The following PPP1R3F variants were observed in gnomAD, a reference collection of about 807,000 sequenced individuals.
PPP1R3F encodes the protein protein phosphatase 1 regulatory subunit 3F.
In PPP1R3F, 29 loss-of-function variants were observed where a neutral mutation model predicts 24.2. That is an observed-to-expected ratio of 1.20 (90% CI 0.89 to 1.63). The LOEUF is 1.63. PPP1R3F is among the 40% of genes most tolerant of loss of function. The pLI is 0.00. For synonymous variants in PPP1R3F, 363 were observed against 340.1 expected (o/e 1.07, Z -0.74); for missense variants, 823 against 729.3 (o/e 1.13, Z -1.48).
At chrX:49,283,833 G>A (rs1461443923) in intron 3 of PPP1R3F, among the ~76,000 whole-genome samples, 8 of 109,414 alleles carry the variant, frequency 7.3e-5, no homozygotes, top group African/African-American at 6.6e-5. Context: ...TGTATTAAAC[G>A]AATGTATTTA....
chrX:49,282,092 G>A, intron 3 of PPP1R3F, 29 bp downstream of exon 3: 1 of 1,097,749 alleles, frequency 9.1e-7, no homozygotes. Flanking sequence ...CCTTGGAGTA[G>A]ACAGCCCAAT....
Position 49,269,866 on chromosome X carries a change from C to T in PPP1R3F, c.-4C>T. 2 of 891,641 alleles carry T rather than the reference C, an allele frequency of 2.2e-6. No individual in the cohort carries two copies. Among genetic ancestry groups the T allele is most frequent in the Non-Finnish European group, 2.8e-6 (2 of 725,778 alleles). The allele number at this position is 891,641 out of a possible 1,213,427, so 73.5% of individuals were successfully genotyped here. ...GTGCCGTCGGTGCCGCCGCCGCCGC[C>T]GATATGGCGCGTACGGCCCCTGTGG... On this transcript the variant is annotated 5_prime_UTR_variant, in exon 1 of 4. Coordinates refer to ENST00000055335, the MANE Select transcript of PPP1R3F (RefSeq NM_033215.5).
Position 49,286,959 on chromosome X carries a change from C to T in PPP1R3F, c.2269C>T (p.Pro757Ser). ...VPAECVCALPPQLRGPLTQTL... is the reference protein window; with the variant it reads ...VPAECVCALPSQLRGPLTQTL... ...TGCAGAATGTGTGTGTGCACTGCCT[C>T]CTCAGCTCCGGGGGCCCTTGACCCA... Residue 757 changes from proline (P) to serine (S), a missense_variant, in exon 4 of 4, where the codon CCT becomes TCT. Coordinates refer to ENST00000055335, the MANE Select transcript of PPP1R3F (RefSeq NM_033215.5). 2 of 1,210,945 alleles carry T rather than the reference C, an allele frequency of 1.7e-6. No homozygotes were observed. The highest frequency in any genetic ancestry group is 2.2e-6 in the Non-Finnish European group (2 of 895,020).
At chrX:49,294,448 G>A (rs2066317369) in intron 3 of PPP1R3F, among the ~76,000 whole-genome samples, 1 of 108,617 alleles carries the variant, frequency 9.2e-6, no homozygotes, top group African/African-American at 3.3e-5. Context: ...TCGAACTCCG[G>A]AGCTCAAGTG....
downstream of PPP1R3F, among the ~76,000 whole-genome samples, chrX:49,293,044 G>A (rs906882342): frequency 1.3e-4 from 14 of 111,702 alleles, no homozygotes; most frequent in South Asian, 3.8e-4. Flanking sequence ...GAGCAGAACC[G>A]TGGGCTGGGG....
At chrX:49,276,837 C>T (rs1238822664) in intron 1 of PPP1R3F, among the ~76,000 whole-genome samples, 2 of 112,180 alleles carry the variant, frequency 1.8e-5, no homozygotes, top group Non-Finnish European at 3.8e-5. Flanking sequence ...TCACAGCCAC[C>T]TTCAAACCCT....
Position 49,270,469 on chromosome X carries a change from G to C in PPP1R3F, c.600G>C (p.Pro200=). The C allele has an allele frequency of 1.7e-6, 2 of 1,201,278 alleles. No homozygotes were observed. Among genetic ancestry groups the C allele is most frequent in the East Asian group, 3.0e-5 (1 of 33,705 alleles). Reference sequence around the variant, plus strand: ...GCGACCACCCAGCGCGCTACGTCCCGCGCAGCCCGCCGTGGGCAGGAGCGG... The same window carrying C: ...GCGACCACCCAGCGCGCTACGTCCCCCGCAGCCCGCCGTGGGCAGGAGCGG... ...SFCDHPARYV[P]RSPPWAGAGG... The change falls in exon 1 of 4, where the codon CCG becomes CCC. Residue 200 remains proline, a synonymous_variant. Coordinates refer to ENST00000055335, the MANE Select transcript of PPP1R3F (RefSeq NM_033215.5).
chrX:49,286,010 C>T lies in PPP1R3F; in HGVS notation c.1320C>T (p.Ser440=), dbSNP rs1557121393. 21 of 1,182,635 alleles carry T rather than the reference C, an allele frequency of 1.8e-5. 1 individual carries two copies. The Middle Eastern group carries it at 7.1e-4, about 40-fold the overall frequency. ...PRDQASGPDA[S]EGATGPFLEP... is the part of the protein sequence containing the mutation. ...ACCAGGCCTCAGGGCCCGATGCGAG[C>T]GAGGGGGCCACCGGGCCTTTCCTGG... The change falls in exon 4 of 4, where the codon AGC becomes AGT. Residue 440 remains serine, a synonymous_variant. Transcript: ENST00000055335.
downstream of PPP1R3F, among the ~76,000 whole-genome samples, chrX:49,290,882 C>A (rs12851659): frequency 0.44 from 48,962 of 110,987 alleles, 9,054 homozygotes; most frequent in Non-Finnish European, 0.59. Context: ...AGTACACGCC[C>A]GTTGTCATTC....
At chrX:49,285,449 G>T (rs1442568498) in intron 3 of PPP1R3F, among the ~76,000 whole-genome samples, 3 of 111,513 alleles carry the variant, frequency 2.7e-5, no homozygotes, top group African/African-American at 9.8e-5. Context: ...GCCCGCCTTG[G>T]CTTCCTAAAG....
chrX:49,270,964 C>T, intron 1 of PPP1R3F, 91 bp downstream of exon 1: 1 of 937,967 alleles, frequency 1.1e-6, no homozygotes, highest in South Asian at 2.5e-5. Flanking sequence ...CAGGCCTGCT[C>T]TCCAGGACAG....
Position 49,270,105 on chromosome X carries a change from CCGACGAGGA to C in PPP1R3F, c.243_251del (p.Glu81_Asp83del). The C allele has an allele frequency of 2.9e-6, 3 of 1,020,380 alleles. No homozygotes were observed. The highest frequency in any genetic ancestry group is 3.7e-6 in the Non-Finnish European group (3 of 804,808). The allele number at this position is 1,020,380 out of a possible 1,213,427, so 84.1% of individuals were successfully genotyped here. A position where few individuals can be genotyped will look rare whatever the true frequency, so the allele number is the denominator to read the frequency against. ...CAAGATGGCGGCGGCGGCGGCGGGG[CCGACGAGGA>C]CGACGATGGCGAGGATGGGGATGAA... is the stretch of plus-strand genomic sequence containing the variant. On this transcript the variant is annotated inframe_deletion, in exon 1 of 4. Transcript: ENST00000055335.
intron 3 of PPP1R3F, among the ~76,000 whole-genome samples, chrX:49,295,744 T>A (rs955729207): frequency 1.8e-5 from 2 of 111,324 alleles, no homozygotes; most frequent in Non-Finnish European, 3.8e-5. Context: ...TGAAACCATC[T>A]GGACCTGGCA....
At position 49,270,030 on chromosome X, in the gene PPP1R3F, A is replaced by G; in HGVS notation, c.161A>G (p.Tyr54Cys). ...LGLPLAQLRRYRPWGGPGAGK... is the reference protein window; with the variant it reads ...LGLPLAQLRRCRPWGGPGAGK... ...CTGCCGCTGGCGCAGTTGCGCCGCTACCGGCCGTGGGGCGGGCCCGGGGCG... is the reference window on the plus strand; with the variant it reads ...CTGCCGCTGGCGCAGTTGCGCCGCTGCCGGCCGTGGGGCGGGCCCGGGGCG... The change falls in exon 1 of 4, where the codon TAC (tyrosine) becomes TGC (cysteine). Residue 54 changes from tyrosine to cysteine, a missense_variant. By Grantham distance (194) the Tyr-to-Cys change is radical (BLOSUM62 -2). Transcript: ENST00000055335. 2 of 938,887 alleles carry G rather than the reference A, an allele frequency of 2.1e-6. No individual in the cohort carries two copies. Among genetic ancestry groups the G allele is most frequent in the Non-Finnish European group, 2.6e-6 (2 of 758,247 alleles). The allele number at this position is 938,887 out of a possible 1,213,427, so 77.4% of individuals were successfully genotyped here.
Position 49,285,943 on chromosome X carries a change from C to T in PPP1R3F, c.1253C>T (p.Pro418Leu), listed in dbSNP as rs1425189495. Reference sequence around the variant, plus strand: ...CTCCAGGCACCGGCCATCAGGATTCCCCCCTCCTCCCCTCTCTGTGGCCTG... The same window carrying T: ...CTCCAGGCACCGGCCATCAGGATTCTCCCCTCCTCCCCTCTCTGTGGCCTG... ...EVLQAPAIRIPPSSPLCGLGG... is the reference protein window; with the variant it reads ...EVLQAPAIRILPSSPLCGLGG... Residue 418 changes from proline to leucine, a missense_variant, in exon 4 of 4, where the codon CCC becomes CTC. Physicochemically the swap from Pro to Leu is moderately conservative, Grantham distance 98 (BLOSUM62 -3). Transcript: ENST00000055335. 1.7e-6 allele frequency: 2 copies of T among 1,206,431 alleles called. No individual in the cohort carries two copies. Among genetic ancestry groups the T allele is most frequent in the Non-Finnish European group, 2.2e-6 (2 of 892,877 alleles).
intron 1 of PPP1R3F, among the ~76,000 whole-genome samples, chrX:49,271,281 A>G (rs2066178514): frequency 8.9e-6 from 1 of 112,017 alleles, no homozygotes; most frequent in African/African-American, 3.2e-5. Context: ...TGAGGAGGTG[A>G]GTCCCGAATG....
Position 49,270,410 on chromosome X carries a change from G to A in PPP1R3F, c.541G>A (p.Val181Met), listed in dbSNP as rs1557118824. Residue 181 changes from valine to methionine, a missense_variant, in exon 1 of 4, where the codon GTG (valine) becomes ATG (methionine). Physicochemically the swap from Val to Met is conservative, Grantham distance 21 (BLOSUM62 1). Coordinates refer to ENST00000055335, the MANE Select transcript of PPP1R3F (RefSeq NM_033215.5). ...CCGCTCCTTCGAGAAGGCGGTGCACGTGCGGGCCTCACACGACGGCTGGGC... is the reference window on the plus strand; with the variant it reads ...CCGCTCCTTCGAGAAGGCGGTGCACATGCGGGCCTCACACGACGGCTGGGC... ...LNRSFEKAVH[V>M]RASHDGWASF... The A allele has an allele frequency of 8.5e-7, 1 of 1,180,084 alleles. No individual in the cohort carries two copies. The highest frequency in any genetic ancestry group is 1.1e-6 in the Non-Finnish European group (1 of 885,372).
downstream of PPP1R3F, among the ~76,000 whole-genome samples, chrX:49,292,667 G>A (rs1450633729): frequency 7.1e-5 from 8 of 112,924 alleles, no homozygotes; most frequent in African/African-American, 2.6e-4. Context: ...CACGGGCCGG[G>A]AGGATCCCTC....
At position 49,286,471 on chromosome X, in the gene PPP1R3F, G is replaced by GC; in HGVS notation, c.1785dup (p.Lys596GlnfsTer32). 8.3e-7 allele frequency: 1 copy of GC among 1,204,703 alleles called. No homozygotes were observed. ...ACACCCTCCAGCCCAGAAGGGGACA[G>GC]CCCCAAGGAATCGCCTCCAGAAATC... On this transcript the variant is annotated frameshift_variant, in exon 4 of 4. Transcript: ENST00000055335. LOFTEE classifies it low-confidence loss of function (END_TRUNC).
Sources: gnomAD v4.1 joint callset for allele counts (sites outside exome capture counted in the v4.1 genomes callset) on GRCh38, gnomAD v4.1.1 for gene constraint, MANE v1.5 for transcripts, NCBI Gene and HGNC (gene_info 2026-07-23, HGNC 2026-07-21) for gene names.